TCF4: variants seen among roughly 807,000 people sequenced by gnomAD.
The protein encoded by TCF4 is SL3-3 enhancer factor 2.
A neutral mutation model predicts 82.1 loss-of-function variants in TCF4; 3 were observed. The observed-to-expected ratio is 0.04, with a 90% CI of 0.02 to 0.09. The LOEUF (loss-of-function observed/expected upper bound fraction) is 0.09, where lower values mean the gene tolerates loss of function less well. Among genes scored for constraint, TCF4 ranks in the 10% least tolerant of loss-of-function variants. TCF4 has a pLI of 1.00. For missense variants in TCF4, 518 were observed against 852.7 expected, an observed-to-expected ratio of 0.61 and a Z score of 4.89; for synonymous variants, 276 against 309.6, an observed-to-expected ratio of 0.89 and a Z score of 1.14.
intron 3 of TCF4, among the ~76,000 whole-genome samples, chr18:55,534,729 A>AT: frequency 6.6e-6 from 1 of 152,250 alleles, no homozygotes; most frequent in Non-Finnish European, 1.5e-5. Context: ...AGACTGTGAA[A>AT]TCTACCACAT....
intron 6 of TCF4, among the ~76,000 whole-genome samples, chr18:55,380,608 A>T (rs898080873): frequency 6.6e-6 from 1 of 152,206 alleles, no homozygotes; most frequent in Non-Finnish European, 1.5e-5. Flanking sequence ...CAAGCAGCCC[A>T]AAACGATAAA....
intron 5 of TCF4, among the ~76,000 whole-genome samples, chr18:55,434,674 G>A (rs867392238): frequency 2.0e-5 from 3 of 150,800 alleles, no homozygotes; most frequent in South Asian, 2.1e-4. Flanking sequence ...TGATCTGCCC[G>A]CCTTGGCCTC....
At chr18:55,268,838 T>C (rs2059747098) in intron 11 of TCF4, 1 of 152,106 alleles carries the variant, frequency 6.6e-6, no homozygotes, top group Non-Finnish European at 1.5e-5. Context: ...CACTGAGTAT[T>C]CTCCCCACCG....
At chr18:55,519,455 A>G (rs2096914956) in intron 3 of TCF4, among the ~76,000 whole-genome samples, 1 of 151,914 alleles carries the variant, frequency 6.6e-6, no homozygotes, top group African/African-American at 2.4e-5. Flanking sequence ...AAAAAAAAAA[A>G]AGATGTGTTC....
Position 55,420,335 on chromosome 18 carries a change from C to T in TCF4, c.305-16817G>A, listed in dbSNP as rs190538699. 2.0e-5 allele frequency among the ~76,000 whole-genome samples: 3 copies of T among 152,320 alleles called. No homozygotes were observed. The East Asian group carries it at 5.8e-4, about 29-fold the overall frequency. ...AAACAAGAAGGTGGCACATTCAAAACTAACTTGTCAACACAGCATGATTAC... is the reference window on the plus strand; with the variant it reads ...AAACAAGAAGGTGGCACATTCAAAATTAACTTGTCAACACAGCATGATTAC... On this transcript the variant is annotated intron_variant, in intron 5 of 19. Coordinates refer to ENST00000354452, the MANE Select transcript of TCF4 (RefSeq NM_001083962.2).
chr18:55,612,221 TA>T (rs1330745557), intron 2 of TCF4, among the ~76,000 whole-genome samples: 1 of 152,184 alleles, frequency 6.6e-6, no homozygotes, highest in Non-Finnish European at 1.5e-5. Flanking sequence ...ACTGAGGTGT[TA>T]CCTCACATTT....
At chr18:55,398,091 T>TG (rs2093604158) in intron 6 of TCF4, among the ~76,000 whole-genome samples, 1 of 152,162 alleles carries the variant, frequency 6.6e-6, no homozygotes, top group Non-Finnish European at 1.5e-5. Context: ...CAAGATCCCT[T>TG]GGTTTTTCTC....
At chr18:55,321,744 C>A in intron 8 of TCF4, 1 of 1,535,944 alleles carries the variant, frequency 6.5e-7, no homozygotes, top group Non-Finnish European at 8.7e-7. Context: ...TACATGGTCT[C>A]GGATTCTTTT....
chr18:55,507,825 A>C (rs1017863968), intron 3 of TCF4, among the ~76,000 whole-genome samples: 9 of 152,126 alleles, frequency 5.9e-5, no homozygotes, highest in African/African-American at 2.2e-4. Context: ...GATTGGGTTC[A>C]AGTGTTGGTG....
chr18:55,300,325 A>G (rs1198933821), intron 8 of TCF4, among the ~76,000 whole-genome samples: 2 of 145,154 alleles, frequency 1.4e-5, no homozygotes, highest in Non-Finnish European at 1.5e-5. Context: ...AGAGTGGACA[A>G]TTTTTTGTTT....
Position 55,468,950 on chromosome 18 carries a change from C to CG in TCF4, c.146-4814dup, listed in dbSNP as rs761568511. Among the ~76,000 whole-genome samples the CG allele has an allele frequency of 2.8e-5, 4 of 144,768 alleles. No individual in the cohort carries two copies. In the East Asian group the frequency reaches 7.0e-4, roughly 25 times the overall value. The allele number at this position is 144,768 out of a possible 152,430, so 95.0% of individuals were successfully genotyped here. A position where few individuals can be genotyped will look rare whatever the true frequency, so the allele number is the denominator to read the frequency against. ...GAGAATAAAGAGAAAGATATTACCC[C>CG]GGGCAAAAAGAAAGGAAGAAAGCAA... On this transcript the variant is annotated intron_variant, in intron 3 of 19. Coordinates refer to ENST00000354452, the MANE Select transcript of TCF4 (RefSeq NM_001083962.2).
At chr18:55,508,147 C>A (rs1029989674) in intron 3 of TCF4, among the ~76,000 whole-genome samples, 1 of 152,044 alleles carries the variant, frequency 6.6e-6, no homozygotes, top group African/African-American at 2.4e-5. Context: ...CTTTCTCCCA[C>A]CCCCCACCAA....
chr18:55,382,886 C>G (rs1013284508), intron 6 of TCF4, among the ~76,000 whole-genome samples: 19 of 152,178 alleles, frequency 1.2e-4, no homozygotes, highest in African/African-American at 4.3e-4. Flanking sequence ...CTGATAGTTA[C>G]AAAACCCTGA....
chr18:55,254,703 G>A lies in TCF4; in HGVS notation c.1147-3C>T. On this transcript the variant is annotated splice_polypyrimidine_tract_variant and splice_region_variant and intron_variant, in intron 14 of 19. Coordinates refer to ENST00000354452, the MANE Select transcript of TCF4 (RefSeq NM_001083962.2). ...AAACGATCTTCAATTCGGCTTTGCT[G>A]TTGGTTAACAAATGATGTAAAATTT... The A allele has an allele frequency of 6.2e-7, 1 of 1,606,194 alleles. No homozygotes were observed. Among genetic ancestry groups the A allele is most frequent in the Non-Finnish European group, 8.5e-7 (1 of 1,175,990 alleles).
At chr18:55,565,460 TAAG>T (rs2097396226) in intron 3 of TCF4, among the ~76,000 whole-genome samples, 1 of 152,196 alleles carries the variant, frequency 6.6e-6, no homozygotes, top group Non-Finnish European at 1.5e-5. Context: ...AGCACTGTGA[TAAG>T]AAGACTAGGA....
rs142949238 is a variant in TCF4 at position 55,258,620 on chromosome 18, C to T, written c.1070-1229G>A. On this transcript the variant is annotated intron_variant, in intron 13 of 19. Coordinates refer to ENST00000354452, the MANE Select transcript of TCF4 (RefSeq NM_001083962.2). ...AATCAGGGTATCAGACTACATTAGT[C>T]GTTCTCAAACATTATGATACCATAG... is the stretch of plus-strand genomic sequence containing the variant. Among the ~76,000 whole-genome samples, 6 of 152,228 alleles carry T rather than the reference C, an allele frequency of 3.9e-5. No homozygotes were observed. In the East Asian group the frequency reaches 7.7e-4, roughly 20 times the overall value.
At chr18:55,393,456 C>T (rs894217310) in intron 6 of TCF4, among the ~76,000 whole-genome samples, 2 of 152,154 alleles carry the variant, frequency 1.3e-5, no homozygotes, top group Non-Finnish European at 2.9e-5. Context: ...ATTTCCTCTT[C>T]ATATTACTTC....
At chr18:55,488,711 A>G (rs991672887) in intron 3 of TCF4, among the ~76,000 whole-genome samples, 2 of 152,218 alleles carry the variant, frequency 1.3e-5, no homozygotes, top group African/African-American at 4.8e-5. Flanking sequence ...CAAGTAAAAC[A>G]AGGGACACTC....
At chr18:55,542,439 A>G (rs902383406) in intron 3 of TCF4, among the ~76,000 whole-genome samples, 2 of 151,994 alleles carry the variant, frequency 1.3e-5, no homozygotes, top group Non-Finnish European at 2.9e-5. Flanking sequence ...AAAAGAATCT[A>G]TAAACTGGCA....
Sources: gnomAD v4.1 joint callset for allele counts (sites outside exome capture counted in the v4.1 genomes callset) on GRCh38, gnomAD v4.1.1 for gene constraint, MANE v1.5 for transcripts, NCBI Gene and HGNC (gene_info 2026-07-23, HGNC 2026-07-21) for gene names.